Variants in DYM observed in about 807,000 individuals in gnomAD.
DYM encodes the protein dymeclin.
Under a neutral mutation model 93.1 loss-of-function variants are expected in DYM, and 78 were observed. That is an observed-to-expected ratio of 0.84 (90% CI 0.70 to 1.01). The LOEUF is 1.01. Among genes scored for constraint, DYM ranks in the 50% least tolerant of loss-of-function variants. The probability of loss-of-function intolerance (pLI) is 0.00; values close to 1 mark genes in which losing one functional copy is unlikely to be tolerated. For missense variants in DYM, 789 were observed against 845.0 expected, an observed-to-expected ratio of 0.93 and a Z score of 0.82; for synonymous variants, 321 against 319.7, an observed-to-expected ratio of 1.00 and a Z score of -0.04.
At chr18:49,386,069 C>A (rs1639752215) in intron 3 of DYM, among the ~76,000 whole-genome samples, 1 of 152,032 alleles carries the variant, frequency 6.6e-6, no homozygotes, top group Non-Finnish European at 1.5e-5. Context: ...GCCGTGGCCT[C>A]CCAAAGAGCT....
In DYM at chr18:49,038,909, A is replaced by G. The variant is rs1178785691; in HGVS notation, c.*5146T>C. ...TAGAACACTTAAAATTCCCACATAAATCCTTTCATTTTCATACATTTTATT... is the reference window on the plus strand; with the variant it reads ...TAGAACACTTAAAATTCCCACATAAGTCCTTTCATTTTCATACATTTTATT... On this transcript the variant is annotated 3_prime_UTR_variant, in exon 18 of 18. Coordinates refer to ENST00000675505, the MANE Select transcript of DYM (RefSeq NM_001353214.3). Among the ~76,000 whole-genome samples, 1 of 152,192 alleles carries G rather than the reference A, an allele frequency of 6.6e-6. No homozygotes were observed. Among genetic ancestry groups the G allele is most frequent in the Non-Finnish European group, 1.5e-5 (1 of 68,024 alleles).
chr18:49,180,508 C>T (rs2145460768), intron 14 of DYM, among the ~76,000 whole-genome samples: 1 of 152,174 alleles, frequency 6.6e-6, no homozygotes, highest in South Asian at 2.1e-4. Context: ...ATGGTAAACT[C>T]CACATTAAGG....
chr18:49,398,517 C>A (rs888283622), intron 2 of DYM, among the ~76,000 whole-genome samples: 1 of 152,160 alleles, frequency 6.6e-6, no homozygotes, highest in African/African-American at 2.4e-5. Flanking sequence ...GGGAGGCCAC[C>A]CTCTACCGAC....
At chr18:49,370,348 A>G in intron 5 of DYM, among the ~76,000 whole-genome samples, 1 of 151,348 alleles carries the variant, frequency 6.6e-6, no homozygotes, top group Admixed American at 6.6e-5. Flanking sequence ...AGCACCTCCT[A>G]CTTCCCTGGA....
chr18:49,389,393 A>G (rs182450651), intron 3 of DYM, among the ~76,000 whole-genome samples: 1 of 152,250 alleles, frequency 6.6e-6, no homozygotes, highest in East Asian at 1.9e-4. Context: ...AAAATACAAA[A>G]ATATCAACAA....
chr18:49,206,123 T>A (rs1403279902), intron 14 of DYM, among the ~76,000 whole-genome samples: 2 of 150,694 alleles, frequency 1.3e-5, no homozygotes, highest in Non-Finnish European at 3.0e-5. Flanking sequence ...CTCAGACTCC[T>A]GAGTAGCTGG....
chr18:49,336,252 G>T (rs1045758184), intron 6 of DYM, among the ~76,000 whole-genome samples: 1 of 152,118 alleles, frequency 6.6e-6, no homozygotes, highest in African/African-American at 2.4e-5. Flanking sequence ...CAAAATCTAT[G>T]ACTATTAATA....
In DYM at chr18:49,102,815, T is replaced by C. The variant is rs190481711; in HGVS notation, c.1912-5300A>G. Among the ~76,000 whole-genome samples, 18 of 152,344 alleles carry C rather than the reference T, an allele frequency of 1.2e-4. No individual in the cohort carries two copies. In the East Asian group the frequency reaches 3.3e-3, roughly 28 times the overall value. On this transcript the variant is annotated intron_variant, in intron 16 of 17. Coordinates refer to ENST00000675505, the MANE Select transcript of DYM (RefSeq NM_001353214.3). ...CACATTTTCTTAATCCAGTCTATCA[T>C]TGATGGACATTTGGCTTGGTTCCAA...
At chr18:49,352,954 C>T (rs1337677697) in intron 6 of DYM, among the ~76,000 whole-genome samples, 2 of 152,036 alleles carry the variant, frequency 1.3e-5, no homozygotes, top group Non-Finnish European at 2.9e-5. Context: ...ACACATATTG[C>T]TTTCTCTGTA....
chr18:49,389,591 G>T (rs1380064518), intron 3 of DYM, among the ~76,000 whole-genome samples: 2 of 151,972 alleles, frequency 1.3e-5, no homozygotes, highest in Non-Finnish European at 1.5e-5. Flanking sequence ...CAAATTCCTG[G>T]GCTCGATCAA....
chr18:49,281,833 T>C (rs538459345), intron 10 of DYM, among the ~76,000 whole-genome samples, 164 bp downstream of exon 10: 1 of 152,128 alleles, frequency 6.6e-6, no homozygotes, highest in African/African-American at 2.4e-5. Flanking sequence ...GGGATAGCAT[T>C]TGGCGATATA....
intron 14 of DYM, among the ~76,000 whole-genome samples, chr18:49,204,426 G>A (rs968441669): frequency 1.7e-4 from 26 of 152,088 alleles, no homozygotes; most frequent in Admixed American, 3.9e-4. Context: ...CTTGCCTCAG[G>A]CCTAATTAAA....
intron 15 of DYM, among the ~76,000 whole-genome samples, chr18:49,150,085 T>C (rs1001699745): frequency 2.6e-5 from 4 of 152,204 alleles, no homozygotes. Flanking sequence ...GTTTATAACT[T>C]ATAGCGCATT....
intron 14 of DYM, among the ~76,000 whole-genome samples, chr18:49,186,622 C>A (rs2090454753): frequency 6.6e-6 from 1 of 152,172 alleles, no homozygotes; most frequent in South Asian, 2.1e-4. Context: ...ATCCATCAGG[C>A]CAACCTCTTT....
At chr18:49,366,628 A>AAAAC (rs202072269) in intron 5 of DYM, among the ~76,000 whole-genome samples, 6 of 152,292 alleles carry the variant, frequency 3.9e-5, no homozygotes, top group South Asian at 4.1e-4. Context: ...CCTATCTCTT[A>AAAAC]AAACAAACAA....
intron 2 of DYM, among the ~76,000 whole-genome samples, chr18:49,429,766 C>A (rs1243536097): frequency 1.3e-5 from 2 of 152,070 alleles, no homozygotes; most frequent in Non-Finnish European, 2.9e-5. Flanking sequence ...GTAACTGTTA[C>A]AACAAAGACT....
intron 13 of DYM, among the ~76,000 whole-genome samples, chr18:49,247,689 G>A (rs1461442524): frequency 6.6e-6 from 1 of 152,210 alleles, no homozygotes; most frequent in African/African-American, 2.4e-5. Context: ...GAATGTGCCA[G>A]CAGTCTAAAC....
chr18:49,366,618 C>T (rs754746237), intron 5 of DYM, among the ~76,000 whole-genome samples: 1 of 152,104 alleles, frequency 6.6e-6, no homozygotes, highest in South Asian at 2.1e-4. Context: ...ATACCAAGAC[C>T]CTATCTCTTA....
intron 15 of DYM, among the ~76,000 whole-genome samples, chr18:49,142,378 C>A (rs994179263): frequency 6.6e-6 from 1 of 152,100 alleles, no homozygotes; most frequent in African/African-American, 2.4e-5. Context: ...GGATTCAAAT[C>A]CAGATATTTC....
Sources: gnomAD v4.1 joint callset for allele counts (sites outside exome capture counted in the v4.1 genomes callset) on GRCh38, gnomAD v4.1.1 for gene constraint, MANE v1.5 for transcripts, NCBI Gene and HGNC (gene_info 2026-07-23, HGNC 2026-07-21) for gene names.